FHIT: variants seen among roughly 807,000 people sequenced by gnomAD.
FHIT encodes the protein bis(5'-adenosyl)-triphosphatase.
FHIT carries 19 observed loss-of-function variants against 17.9 expected under a neutral mutation model. The observed-to-expected ratio is 1.06, with a 90% CI of 0.74 to 1.56. The LOEUF (loss-of-function observed/expected upper bound fraction) is 1.56, where lower values mean the gene tolerates loss of function less well. Ranked by LOEUF, FHIT falls within the 40% of genes most tolerant of loss-of-function variation. The probability of loss-of-function intolerance (pLI) is 0.00; values close to 1 mark genes in which losing one functional copy is unlikely to be tolerated. For missense variants in FHIT, 248 were observed against 189.2 expected, an observed-to-expected ratio of 1.31 and a Z score of -1.82; for synonymous variants, 81 against 69.7, an observed-to-expected ratio of 1.16 and a Z score of -0.81.
At chr3:61,044,503 C>G (rs1232237611) in intron 2 of FHIT, among the ~76,000 whole-genome samples, 5 of 152,068 alleles carry the variant, frequency 3.3e-5, no homozygotes, top group African/African-American at 1.2e-4. Context: ...AAATCTACAT[C>G]TGATTGGTGT....
intron 2 of FHIT, among the ~76,000 whole-genome samples, chr3:61,050,039 T>G (rs989977549): frequency 2.0e-5 from 3 of 152,160 alleles, no homozygotes; most frequent in Non-Finnish European, 2.9e-5. Context: ...CTCTTCCCAC[T>G]CTTCATCAAA....
intron 8 of FHIT, among the ~76,000 whole-genome samples, chr3:59,828,391 A>G (rs541948064): frequency 5.3e-5 from 8 of 152,330 alleles, no homozygotes; most frequent in Admixed American, 2.0e-4. Context: ...AGAAATCAAT[A>G]TAATTTTGGT....
At chr3:60,710,023 T>G (rs1483618477) in intron 4 of FHIT, among the ~76,000 whole-genome samples, 3 of 144,312 alleles carry the variant, frequency 2.1e-5, no homozygotes, top group African/African-American at 5.2e-5. Flanking sequence ...GATATGTCAG[T>G]ACACAGCAGC....
chr3:61,138,045 T>C (rs2106984999), intron 2 of FHIT, among the ~76,000 whole-genome samples: 1 of 152,328 alleles, frequency 6.6e-6, no homozygotes, highest in South Asian at 2.1e-4. Flanking sequence ...ATAAATTACT[T>C]AACCGCTCTG....
intron 3 of FHIT, among the ~76,000 whole-genome samples, chr3:60,897,678 A>G (rs1365029965): frequency 6.6e-6 from 1 of 152,192 alleles, no homozygotes; most frequent in Non-Finnish European, 1.5e-5. Context: ...TCAAAACTGC[A>G]TGACCTTTAT....
intron 4 of FHIT, among the ~76,000 whole-genome samples, chr3:60,813,645 T>A (rs1037409524): frequency 3.9e-5 from 6 of 152,202 alleles, no homozygotes; most frequent in Non-Finnish European, 7.3e-5. Flanking sequence ...GTTGTTTTTA[T>A]TCCATGATTT....
intron 5 of FHIT, among the ~76,000 whole-genome samples, chr3:60,112,372 C>A (rs948101557): frequency 6.6e-6 from 1 of 152,116 alleles, no homozygotes; most frequent in Non-Finnish European, 1.5e-5. Flanking sequence ...ATGCAAGAAA[C>A]CATAGAATGC....
intron 5 of FHIT, among the ~76,000 whole-genome samples, chr3:60,033,992 G>GGAGA (rs1701108373): frequency 6.6e-6 from 1 of 152,126 alleles, no homozygotes. Flanking sequence ...GTCTCGTGAG[G>GGAGA]GAGTAGCCAA....
In FHIT at chr3:60,693,239, C is replaced by T. The variant is rs145357217; in HGVS notation, c.-18+128680G>A. Among the ~76,000 whole-genome samples the T allele has an allele frequency of 2.1e-4, 32 of 152,278 alleles. No individual in the cohort carries two copies. The East Asian group carries it at 4.8e-3, about 23-fold the overall frequency. Reference sequence around the variant, plus strand: ...TGCTGATCCACCTAAGTCACTCCCTCATAAGTGAATGCAAACTTAAGAAAT... The same window carrying T: ...TGCTGATCCACCTAAGTCACTCCCTTATAAGTGAATGCAAACTTAAGAAAT... On this transcript the variant is annotated intron_variant, in intron 4 of 9. Coordinates refer to ENST00000492590, the MANE Select transcript of FHIT (RefSeq NM_002012.4).
At chr3:60,057,279 A>G (rs537992410) in intron 5 of FHIT, among the ~76,000 whole-genome samples, 1 of 152,292 alleles carries the variant, frequency 6.6e-6, no homozygotes, top group South Asian at 2.1e-4. Context: ...TGAAATCCCA[A>G]AAGTCATATA....
At chr3:61,022,031 C>G (rs910597984) in intron 3 of FHIT, among the ~76,000 whole-genome samples, 5 of 151,756 alleles carry the variant, frequency 3.3e-5, no homozygotes, top group Non-Finnish European at 7.4e-5. Flanking sequence ...CACGAAAAAC[C>G]CTTAAAAAAA....
intron 5 of FHIT, among the ~76,000 whole-genome samples, chr3:60,068,485 G>T (rs1702619182): frequency 6.6e-6 from 1 of 152,166 alleles, no homozygotes; most frequent in African/African-American, 2.4e-5. Flanking sequence ...CGGCTGTGTG[G>T]GTTGTGCACT....
intron 4 of FHIT, among the ~76,000 whole-genome samples, chr3:60,541,564 T>C (rs890625814): frequency 1.3e-4 from 20 of 152,138 alleles, no homozygotes; most frequent in Non-Finnish European, 2.6e-4. Context: ...ATATGATTGG[T>C]TCGGGAGTGG....
chr3:60,020,376 G>A (rs1012569923), intron 5 of FHIT, among the ~76,000 whole-genome samples: 1 of 152,186 alleles, frequency 6.6e-6, no homozygotes, highest in Admixed American at 6.5e-5. Flanking sequence ...GATCGGAGTT[G>A]CTCAGACTCG....
chr3:60,046,658 G>A (rs35138137), intron 5 of FHIT, among the ~76,000 whole-genome samples: 69,955 of 152,054 alleles, frequency 0.46, 16,754 homozygotes, highest in Middle Eastern at 0.72. Context: ...CAGAACAAGG[G>A]GGTGAGAATG....
intron 5 of FHIT, among the ~76,000 whole-genome samples, chr3:60,141,135 C>A (rs982731905): frequency 2.0e-5 from 3 of 151,948 alleles, no homozygotes; most frequent in Non-Finnish European, 2.9e-5. Flanking sequence ...GCAGCCATTT[C>A]GAGGGGGGAT....
chr3:60,490,332 T>C (rs2034012408), intron 5 of FHIT, among the ~76,000 whole-genome samples: 5 of 152,084 alleles, frequency 3.3e-5, no homozygotes, highest in Non-Finnish European at 5.9e-5. Context: ...GTTAACAAAA[T>C]GTGTTATGGG....
chr3:60,632,089 T>TC (rs1198217184), intron 4 of FHIT, among the ~76,000 whole-genome samples: 2 of 152,034 alleles, frequency 1.3e-5, no homozygotes, highest in African/African-American at 4.8e-5. Flanking sequence ...GAAGTGTTTT[T>TC]TTTTTGTTTT....
chr3:61,219,327 ATGTGTGTGTGTGTGTGTGTG>A (rs72023729), intron 1 of FHIT, among the ~76,000 whole-genome samples: 153 of 147,000 alleles, frequency 1.0e-3, no homozygotes, highest in African/African-American at 3.5e-3. Flanking sequence ...AAATCTAAAA[ATGTGTGTGTGTGTGTGTGTG>A]TGTGTGTGTG....
Sources: allele counts gnomAD v4.1 joint callset (sites outside exome capture counted in the v4.1 genomes callset), GRCh38; gene constraint gnomAD v4.1.1; transcripts MANE v1.5; gene names NCBI Gene and HGNC (gene_info 2026-07-23, HGNC 2026-07-21).